The following SEC16A variants were observed in gnomAD, a reference collection of about 807,000 sequenced individuals.
SEC16A encodes the protein protein transport protein Sec16A.
SEC16A carries 110 observed loss-of-function variants against 221.9 expected under a neutral mutation model. That is an observed-to-expected ratio of 0.50 (90% CI 0.42 to 0.58). The LOEUF is 0.58. Among genes scored for constraint, SEC16A ranks in the 20% least tolerant of loss-of-function variants. The pLI is 0.00. For synonymous variants in SEC16A, 1,393 were observed against 1,257.7 expected (o/e 1.11, Z -2.28); for missense variants, 3,165 against 3,097.8 (o/e 1.02, Z -0.52).
rs1349924755 is a variant in SEC16A, at chr9:136,463,012, C to T, written c.4768G>A (p.Val1590Met). The change falls in exon 12 of 32, where the codon GTG (valine) becomes ATG (methionine). Residue 1590 changes from valine (V) to methionine (M), a missense_variant. By Grantham distance (21) the Val-to-Met change is conservative. Transcript: ENST00000684901. Reference protein sequence around the residue: ...IDFTNEAVEQVEEEESGEAQL... With the variant: ...IDFTNEAVEQMEEEESGEAQL... The stretch of plus-strand genomic sequence containing the variant: ...GCCTCACCAGACTCCTCCTCTTCCA[C>T]CTGCTCCACTGCCTCATTCGTGAAA... The T allele has an allele frequency of 6.2e-7, 1 of 1,611,884 alleles. No individual in the cohort carries two copies. Among genetic ancestry groups the T allele is most frequent in the Non-Finnish European group, 8.5e-7 (1 of 1,179,892 alleles).
chr9:136,457,092 G>C (rs1332382665), intron 18 of SEC16A, among the ~76,000 whole-genome samples: 2 of 152,214 alleles, frequency 1.3e-5, no homozygotes, highest in Non-Finnish European at 2.9e-5. Context: ...AGCATCACTT[G>C]AATCTGGGAG....
In SEC16A at chr9:136,463,687, G is replaced by A; in HGVS notation, c.4500C>T (p.Pro1500=). The change falls in exon 10 of 32, where the codon CCC becomes CCT. Residue 1500 remains proline, a synonymous_variant. Transcript: ENST00000684901. ...CTCAACAAGGAACATACTTGGCCAG[G>A]GGTCCCGGGAACGCCCGCATCTCCT... is the stretch of plus-strand genomic sequence containing the variant. ...EQEEMRAFPG[P]LAKDDTHKVD... 2 of 1,613,236 alleles carry A rather than the reference G, an allele frequency of 1.2e-6. No individual in the cohort carries two copies. Among genetic ancestry groups the A allele is most frequent in the Admixed American group, 1.7e-5 (1 of 60,024 alleles).
rs1236075751 is a variant in SEC16A at position 136,447,230 on chromosome 9, G to A, written c.6694C>T (p.Pro2232Ser). 6.3e-7 allele frequency: 1 copy of A among 1,592,940 alleles called. No individual in the cohort carries two copies. The highest frequency in any genetic ancestry group is 1.1e-5 in the South Asian group (1 of 87,494). Residue 2232 changes from proline to serine, a missense_variant, in exon 27 of 32, where the codon CCA becomes TCA. Physicochemically the swap from Pro to Ser is moderately conservative, Grantham distance 74. Around this residue, in one of 3 missense-constraint regions of SEC16A, gnomAD observed 1,088 missense variants for 1,089.6 expected, o/e 1.00. Transcript: ENST00000684901. The surrounding 1 kb of genome is among the most constrained non-coding windows in gnomAD (Gnocchi z 5.5). ...PIPSNLFVPT[P>S]DAEEPQLPDG... ...GGCTGGTGCTCGTGCTACCTACCTG[G>A]GGTTGGCACGAACAAGTTAGAAGGA...
At chr9:136,444,930 C>G in intron 30 of SEC16A, 122 bp downstream of exon 30, 1 of 705,070 alleles carries the variant, frequency 1.4e-6, no homozygotes, top group Non-Finnish European at 2.5e-6. Context: ...TCACGTGACG[C>G]TGAGGGAGAC....
In SEC16A at chr9:136,445,048, G is replaced by C. The variant is rs1836773623; in HGVS notation, c.6927+4C>G. On this transcript the variant is annotated splice_donor_region_variant and intron_variant, in intron 30 of 31. Transcript: ENST00000684901. The stretch of plus-strand genomic sequence containing the variant: ...TGTTAGTGAGGACCACCAGCCGCAG[G>C]TACCTGATTAAAATGCTGGCTCACT... 1 of 1,604,674 alleles carries C rather than the reference G, an allele frequency of 6.2e-7. No homozygotes were observed. Among genetic ancestry groups the C allele is most frequent in the South Asian group, 1.1e-5 (1 of 88,948 alleles).
In SEC16A at chr9:136,474,811, C is replaced by G. The variant is rs1409334084; in HGVS notation, c.2805G>C (p.Glu935Asp). ...LVQPPSQPVP[E>D]NLVPESQKDR... The stretch of plus-strand genomic sequence containing the variant: ...CCTTTTGACTTTCTGGAACCAAGTT[C>G]TCTGGAACTGGCTGGGATGGTGGTT... The change falls in exon 3 of 32, where the codon GAG becomes GAC. Residue 935 changes from glutamate to aspartate, a missense_variant. By Grantham distance (45) the Glu-to-Asp change is conservative (BLOSUM62 2). Transcript: ENST00000684901. 6.2e-7 allele frequency: 1 copy of G among 1,613,992 alleles called. No individual in the cohort carries two copies. Among genetic ancestry groups the G allele is most frequent in the East Asian group, 2.2e-5 (1 of 44,892 alleles).
At chr9:136,473,980 C>T (rs1841257875) in intron 3 of SEC16A, 69 bp downstream of exon 3, 1 of 1,489,304 alleles carries the variant, frequency 6.7e-7, no homozygotes, top group South Asian at 1.3e-5. Context: ...AAGGAATACA[C>T]TGTGAGTGAG....
intron 4 of SEC16A, among the ~76,000 whole-genome samples, chr9:136,471,304 CAA>C (rs11346549): frequency 6.8e-6 from 1 of 146,904 alleles, no homozygotes; most frequent in African/African-American, 2.5e-5. Flanking sequence ...CTCGTCTCTA[CAA>C]AAAAAAAAAT....
In SEC16A at chr9:136,453,525, G is replaced by A. The variant is rs372458385; in HGVS notation, c.6077-15C>T. 6 of 1,605,904 alleles carry A rather than the reference G, an allele frequency of 3.7e-6. No homozygotes were observed. The highest frequency in any genetic ancestry group is 5.1e-6 in the Non-Finnish European group (6 of 1,173,128). ...CGGCACTATCCCTGTCAACGGGAAAGAGAGCAACTATGATCTCAGTCACGA... is the reference window on the plus strand; with the variant it reads ...CGGCACTATCCCTGTCAACGGGAAAAAGAGCAACTATGATCTCAGTCACGA... On this transcript the variant is annotated splice_polypyrimidine_tract_variant and intron_variant, in intron 21 of 31. Transcript: ENST00000684901.
chr9:136,449,821 A>C (rs1333046305), intron 23 of SEC16A, among the ~76,000 whole-genome samples: 1 of 152,238 alleles, frequency 6.6e-6, no homozygotes, highest in Non-Finnish European at 1.5e-5. Flanking sequence ...ATTTGGAATT[A>C]AATGTGTGTT....
In SEC16A at chr9:136,451,383, G is replaced by A. The variant is rs190567329; in HGVS notation, c.6185C>T (p.Ser2062Leu). 135 of 1,611,646 alleles carry A rather than the reference G, an allele frequency of 8.4e-5. 2 individuals carry two copies. The South Asian group carries it at 1.2e-3, about 15-fold the overall frequency. Reference protein sequence around the residue: ...NLTPSRTVPDSEAPPGWDRAD... With the variant: ...NLTPSRTVPDLEAPPGWDRAD... ...ACGATCCCACCCTGGGGGGGCCTCC[G>A]AGTCTGGCACCGTCCTCGAGGGGGT... The change falls in exon 23 of 32, where the codon TCG becomes TTG. Residue 2062 changes from serine to leucine, a missense_variant. Physicochemically the swap from Ser to Leu is moderately radical, Grantham distance 145. Coordinates refer to ENST00000684901, the MANE Select transcript of SEC16A (RefSeq NM_014866.2).
chr9:136,474,956 C>T lies in SEC16A; in HGVS notation c.2660G>A (p.Gly887Glu), dbSNP rs200238338. 1,185 of 1,613,588 alleles carry T rather than the reference C, an allele frequency of 7.3e-4. 10 individuals carry two copies. Among genetic ancestry groups the T allele is most frequent in the Admixed American group, 2.1e-3 (126 of 59,986 alleles). Residue 887 changes from glycine to glutamate, a missense_variant, in exon 3 of 32, where the codon GGG (glycine) becomes GAG (glutamate). By Grantham distance (98) the Gly-to-Glu change is moderately conservative (BLOSUM62 -2). This residue lies in a region of SEC16A where 2,030 missense variants were observed against 1,923.1 expected (regional missense o/e 1.06). Transcript: ENST00000684901. ...GDSGENTSLS[G>E]IPTSSVLSLS... ...GCTAAGGACAGAGCTGGTTGGAATC[C>T]CAGACAAAGAAGTGTTCTCCCCAGA...
At chr9:136,463,222 C>G in intron 11 of SEC16A, 90 bp from the exon 12 acceptor site, 2 of 1,528,280 alleles carry the variant, frequency 1.3e-6, no homozygotes, top group Non-Finnish European at 1.8e-6. Context: ...CCACCCTGGA[C>G]ACAGCCAGAC....
In SEC16A at chr9:136,463,134, T is replaced by C; in HGVS notation, c.4648-2A>G. 6.2e-7 allele frequency: 1 copy of C among 1,608,674 alleles called. No homozygotes were observed. The highest frequency in any genetic ancestry group is 8.5e-7 in the Non-Finnish European group (1 of 1,179,816). On this transcript the variant is annotated splice_acceptor_variant, in intron 11 of 31. Transcript: ENST00000684901. LOFTEE classifies it high-confidence loss of function. ...CGCAATGTCGGTCCCTACCACGGTC[T>C]GTTTGGGTCAACAGGAACAGGAAGG...
rs1302311794 is a variant in SEC16A at position 136,460,478 on chromosome 9, TAATAA to T, written c.4992-360_4992-356del. On this transcript the variant is annotated intron_variant, in intron 13 of 31. Coordinates refer to ENST00000684901, the MANE Select transcript of SEC16A (RefSeq NM_014866.2). ...TCAAAAAAATAAATAAATAAAATAG[TAATAA>T]AATAAATTTTTTAAAAAATCAGCCC... 6.6e-5 allele frequency among the ~76,000 whole-genome samples: 10 copies of T among 151,290 alleles called. No individual in the cohort carries two copies. In the East Asian group the frequency reaches 1.9e-3, roughly 29 times the overall value.
In SEC16A at chr9:136,472,003, TGGCTCGGGAGCTGGGCCGCTCG is replaced by T. The variant is rs1840935604; in HGVS notation, c.3654_3675del (p.Glu1219AlafsTer238). ...GGAGGTGGCCGTTCCGAGGAGTGGC[TGGCTCGGGAGCTGGGCCGCTCG>T]GGCTCGGGATAGCGGTAGTTCTGGG... On this transcript the variant is annotated frameshift_variant, in exon 4 of 32. Coordinates refer to ENST00000684901, the MANE Select transcript of SEC16A (RefSeq NM_014866.2). LOFTEE classifies it high-confidence loss of function. 8 of 1,611,728 alleles carry T rather than the reference TGGCTCGGGAGCTGGGCCGCTCG, an allele frequency of 5.0e-6. No individual in the cohort carries two copies. The highest frequency in any genetic ancestry group is 1.7e-5 in the Admixed American group (1 of 60,004).
chr9:136,481,925 G>A (rs1306624444), intron 1 of SEC16A, among the ~76,000 whole-genome samples: 2 of 152,114 alleles, frequency 1.3e-5, no homozygotes, highest in African/African-American at 2.4e-5. Context: ...GATGCTTACA[G>A]AAGAAGAAAT....
Position 136,447,491 on chromosome 9 carries a change from C to A in SEC16A, c.6559+78G>T. ...TGCGGGAAGCCACCTCCTCCCCACG[C>A]ACAACAGCTACACATTGGCCTCTCT... On this transcript the variant is annotated intron_variant, in intron 26 of 31. Transcript: ENST00000684901. The surrounding 1 kb of genome is among the most constrained non-coding windows in gnomAD (Gnocchi z 5.5). 1 of 1,540,594 alleles carries A rather than the reference C, an allele frequency of 6.5e-7. No individual in the cohort carries two copies. Among genetic ancestry groups the A allele is most frequent in the Non-Finnish European group, 8.9e-7 (1 of 1,122,892 alleles).
At chr9:136,468,054 T>A (rs571986551) in intron 5 of SEC16A, among the ~76,000 whole-genome samples, 1 of 152,236 alleles carries the variant, frequency 6.6e-6, no homozygotes, top group South Asian at 2.1e-4. Flanking sequence ...ACCGAGGAGA[T>A]GGTTTTTCAT....
Sources: gnomAD v4.1 joint callset for allele counts (sites outside exome capture counted in the v4.1 genomes callset) on GRCh38, gnomAD v4.1.1 for gene constraint, gnomAD v4.1.1 regional missense constraint, Gnocchi (gnomAD v3.1) non-coding constraint, MANE v1.5 for transcripts, NCBI Gene and HGNC (gene_info 2026-07-23, HGNC 2026-07-21) for gene names.